MGAT5: variants seen among roughly 807,000 people sequenced by gnomAD.
The protein encoded by MGAT5 is alpha-1,6-mannosylglycoprotein 6-beta-N-acetylglucosaminyltransferase A.
Under a neutral mutation model 94.3 loss-of-function variants are expected in MGAT5, and 30 were observed. The observed-to-expected ratio is 0.32, with a 90% CI of 0.24 to 0.43. MGAT5 has a LOEUF of 0.43. MGAT5 is among the 20% of genes least tolerant of loss of function. The pLI is 1.00. For missense variants in MGAT5, 691 were observed against 905.5 expected (o/e 0.76, Z 3.04); for synonymous variants, 310 against 322.9 (o/e 0.96, Z 0.43).
intron 2 of MGAT5, among the ~76,000 whole-genome samples, chr2:134,282,069 T>C (rs897007036): frequency 2.0e-5 from 3 of 152,182 alleles, no homozygotes; most frequent in Admixed American, 6.5e-5. Context: ...TGGAGATGGT[T>C]GTGTGTTCAG....
At chr2:134,311,203 C>T (rs1259526955) in intron 2 of MGAT5, among the ~76,000 whole-genome samples, 3 of 152,154 alleles carry the variant, frequency 2.0e-5, no homozygotes, top group Admixed American at 6.5e-5. Flanking sequence ...TCAACAGATA[C>T]TCATGTTCTT....
At chr2:134,406,576 G>A (rs1387311199) in intron 11 of MGAT5, among the ~76,000 whole-genome samples, 3 of 152,288 alleles carry the variant, frequency 2.0e-5, no homozygotes, top group South Asian at 2.1e-4. Context: ...GAGCTTGGAT[G>A]TGCTCACAAA....
At chr2:134,438,906 A>G (rs1197759684) in intron 14 of MGAT5, among the ~76,000 whole-genome samples, 1 of 152,150 alleles carries the variant, frequency 6.6e-6, no homozygotes, top group Non-Finnish European at 1.5e-5. Flanking sequence ...CCTTCCTGGA[A>G]TTCTATTTGC....
chr2:134,239,608 A>G (rs1005658107), intron 1 of MGAT5, among the ~76,000 whole-genome samples: 2 of 152,034 alleles, frequency 1.3e-5, no homozygotes, highest in Non-Finnish European at 2.9e-5. Context: ...CCGCCTGGGT[A>G]GTCTAGACTC....
chr2:134,423,098 G>A (rs1422474513), intron 13 of MGAT5, among the ~76,000 whole-genome samples, 179 bp downstream of exon 13: 1 of 152,178 alleles, frequency 6.6e-6, no homozygotes, highest in Non-Finnish European at 1.5e-5. Context: ...TCTGTGAAAT[G>A]GAAACAGAGC....
At chr2:134,390,075 A>G (rs1270697225) in intron 10 of MGAT5, among the ~76,000 whole-genome samples, 1 of 152,206 alleles carries the variant, frequency 6.6e-6, no homozygotes, top group Non-Finnish European at 1.5e-5. Flanking sequence ...TGTTGGAGCC[A>G]TGTCAATGAA....
chr2:134,423,018 C>G (rs1684382925), intron 13 of MGAT5, 99 bp downstream of exon 13: 1 of 827,904 alleles, frequency 1.2e-6, no homozygotes, highest in South Asian at 1.5e-5. Context: ...AGATCTTTAC[C>G]ACATCAGCTT....
intron 1 of MGAT5, among the ~76,000 whole-genome samples, chr2:134,236,474 A>G (rs1268689): frequency 0.67 from 101,078 of 151,970 alleles, 33,701 homozygotes; most frequent in South Asian, 0.69. Flanking sequence ...AATCACAGAG[A>G]CGGTTACCCT....
chr2:134,201,518 A>G (rs1679782949), intron 1 of MGAT5, among the ~76,000 whole-genome samples: 1 of 152,210 alleles, frequency 6.6e-6, no homozygotes, highest in African/African-American at 2.4e-5. Flanking sequence ...CCCCTTCAGC[A>G]GTCTCAGAAA....
intron 2 of MGAT5, among the ~76,000 whole-genome samples, chr2:134,307,285 C>T (rs1233205451): frequency 2.0e-5 from 3 of 152,142 alleles, no homozygotes; most frequent in African/African-American, 7.2e-5. Context: ...TAATGAAAGA[C>T]AGTTTTCAAC....
chr2:134,131,315 A>G (rs1252946541), intron 1 of MGAT5, among the ~76,000 whole-genome samples: 2 of 152,228 alleles, frequency 1.3e-5, no homozygotes, highest in Non-Finnish European at 1.5e-5. Context: ...AATTCGGGCC[A>G]CACTACTATT....
intron 1 of MGAT5, among the ~76,000 whole-genome samples, chr2:134,215,203 G>A (rs777091742): frequency 1.3e-5 from 2 of 152,128 alleles, no homozygotes; most frequent in Non-Finnish European, 2.9e-5. Flanking sequence ...CCAGTTTTCA[G>A]CTACTAGGAT....
intron 1 of MGAT5, among the ~76,000 whole-genome samples, chr2:134,237,123 A>ATGTGTATGTGTGTGTGTGTGTG (rs367744090): frequency 1.4e-4 from 20 of 140,720 alleles, no homozygotes; most frequent in African/African-American, 4.6e-4. Flanking sequence ...GAAGGAGTAT[A>ATGTGTATGTGTGTGTGTGTGTG]TGTGTGTGTG....
At chr2:134,352,074 A>C (rs1573892174) in intron 9 of MGAT5, among the ~76,000 whole-genome samples, 1 of 152,194 alleles carries the variant, frequency 6.6e-6, no homozygotes. Context: ...GCAGTGAGCA[A>C]AACCAGCCCT....
intron 1 of MGAT5, among the ~76,000 whole-genome samples, chr2:134,131,273 A>G (rs531038082): frequency 3.9e-5 from 6 of 152,336 alleles, no homozygotes; most frequent in African/African-American, 9.6e-5. Context: ...CCGCGGCTTC[A>G]TTCTTGAAGT....
chr2:134,371,944 T>TA (rs59624970), intron 10 of MGAT5, among the ~76,000 whole-genome samples: 45,276 of 139,972 alleles, frequency 0.32, 7,779 homozygotes, highest in East Asian at 0.48. Context: ...TTGTTTTGTT[T>TA]AAAAAAAAAA....
chr2:134,209,152 A>ATTTTTTTTTTTTTAT (rs1680174598), intron 1 of MGAT5, among the ~76,000 whole-genome samples: 1 of 20,780 alleles, frequency 4.8e-5, no homozygotes, highest in Middle Eastern at 0.045. Flanking sequence ...TTTTTTTTTT[A>ATTTTTTTTTTTTTAT]TTTTTTTTTT....
upstream of MGAT5, among the ~76,000 whole-genome samples, chr2:134,252,373 G>C (rs72976124): frequency 2.0e-5 from 3 of 152,316 alleles, no homozygotes; most frequent in African/African-American, 7.2e-5. Context: ...AGGAACTTAC[G>C]TTATGATAGT....
chr2:134,240,367 T>A (rs1279625569), intron 1 of MGAT5, among the ~76,000 whole-genome samples: 1 of 151,910 alleles, frequency 6.6e-6, no homozygotes, highest in Non-Finnish European at 1.5e-5. Context: ...GTTTTTTTTT[T>A]TTTTTACTAT....
Sources: allele counts gnomAD v4.1 joint callset (sites outside exome capture counted in the v4.1 genomes callset), GRCh38; gene constraint gnomAD v4.1.1; transcripts MANE v1.5; gene names NCBI Gene and HGNC (gene_info 2026-07-23, HGNC 2026-07-21).